Variants in SPINT2 observed in about 807,000 individuals in gnomAD.
SPINT2 encodes the protein serine peptidase inhibitor, Kunitz type 2.
SPINT2 carries 18 observed loss-of-function variants against 30.1 expected under a neutral mutation model. The observed-to-expected ratio is 0.60, with a 90% confidence interval of 0.41 to 0.89. SPINT2 has a LOEUF of 0.89. SPINT2 is among the 40% of genes least tolerant of loss of function. SPINT2 has a pLI of 0.00. For missense variants in SPINT2, 276 were observed against 334.3 expected (o/e 0.83, Z 1.36); for synonymous variants, 139 against 137.9 (o/e 1.01, Z -0.05).
intron 2 of SPINT2, among the ~76,000 whole-genome samples, chr19:38,286,105 G>A (rs538421524): frequency 2.0e-5 from 3 of 152,264 alleles, no homozygotes; most frequent in Middle Eastern, 6.8e-3. Flanking sequence ...CTCTCGAGGC[G>A]CTCCCATGTG....
At position 38,290,545 on chromosome 19, in the gene SPINT2, G is replaced by A; in HGVS notation, c.562G>A (p.Glu188Lys). Reference protein sequence around the residue: ...ACMLRCFRQQENPPLPLGSKV... With the variant: ...ACMLRCFRQQKNPPLPLGSKV... ...TGTGTGTTCTCTTCCAGGCCAGCAG[G>A]AGAATCCTCCCCTGCCCCTTGGCTC... The change falls in exon 6 of 7, where the codon GAG (glutamate) becomes AAG (lysine). Residue 188 changes from glutamate (E) to lysine (K), a missense_variant. Transcript: ENST00000301244. This position sits in a 1 kb window ranked among gnomAD's most constrained non-coding sequence, Gnocchi z 4.3. 1 of 1,614,092 alleles carries A rather than the reference G, an allele frequency of 6.2e-7. No homozygotes were observed. The highest frequency in any genetic ancestry group is 2.2e-5 in the East Asian group (1 of 44,882).
chr19:38,264,762 G>A lies in SPINT2; in HGVS notation c.-131G>A. On this transcript the variant is annotated 5_prime_UTR_variant, in exon 1 of 7. Coordinates refer to ENST00000301244, the MANE Select transcript of SPINT2 (RefSeq NM_021102.4). ...ACTTCCGGGGGCTTTGGCACCTGGCGGACCCTCCCGGAGCGTCGGCACCTG... is the reference window on the plus strand; with the variant it reads ...ACTTCCGGGGGCTTTGGCACCTGGCAGACCCTCCCGGAGCGTCGGCACCTG... 1.0e-6 allele frequency: 1 copy of A among 963,302 alleles called. No homozygotes were observed. Among genetic ancestry groups the A allele is most frequent in the South Asian group, 1.6e-5 (1 of 64,484 alleles). The allele number at this position is 963,302 out of a possible 1,614,324, so 59.7% of individuals were successfully genotyped here.
chr19:38,287,855 T>C lies in SPINT2; in HGVS notation c.278-21T>C. The C allele has an allele frequency of 2.5e-6, 4 of 1,614,156 alleles. No homozygotes were observed. In the South Asian group the frequency reaches 4.4e-5, roughly 18 times the overall value. On this transcript the variant is annotated intron_variant, in intron 2 of 6. Coordinates refer to ENST00000301244, the MANE Select transcript of SPINT2 (RefSeq NM_021102.4). The stretch of plus-strand genomic sequence containing the variant: ...TCTCTCGAAAGCTCTTTCACTGTGC[T>C]GTTTCTTTGTCCCCTTGCAGAGAAT...
chr19:38,278,459 C>T (rs1338567719), intron 1 of SPINT2, among the ~76,000 whole-genome samples: 1 of 152,170 alleles, frequency 6.6e-6, no homozygotes, highest in Non-Finnish European at 1.5e-5. Flanking sequence ...ACGTGATTCA[C>T]AGTTTTATTG....
At chr19:38,271,482 A>ACT (rs1185061134) in intron 1 of SPINT2, among the ~76,000 whole-genome samples, 2 of 147,062 alleles carry the variant, frequency 1.4e-5, no homozygotes, top group African/African-American at 2.5e-5. Flanking sequence ...ACAGAGCAAG[A>ACT]CTCTCTCAAA....
At chr19:38,275,166 C>T (rs987759536) in intron 1 of SPINT2, among the ~76,000 whole-genome samples, 9 of 152,222 alleles carry the variant, frequency 5.9e-5, no homozygotes, top group East Asian at 1.9e-4. Flanking sequence ...ACCACAAGCA[C>T]GGTTCAAACT....
rs397859727 is a variant in SPINT2, at chr19:38,269,400, CTT to C, written c.106+4424_106+4425del. ...ACTTATTTGAGAACCTCTCCTGCAC[CTT>C]TTTTTTTTTTTTTTTTTTTTTGAGA... On this transcript the variant is annotated intron_variant, in intron 1 of 6. Transcript: ENST00000301244. Among the ~76,000 whole-genome samples the C allele has an allele frequency of 3.4e-3, 224 of 64,942 alleles. 1 individual carries two copies. Among genetic ancestry groups the C allele is most frequent in the East Asian group, 6.9e-3 (17 of 2,452 alleles). 42.6% of individuals were successfully genotyped at this position (64,942 alleles called of 152,430 possible). A position where few individuals can be genotyped will look rare whatever the true frequency, so the allele number is the denominator to read the frequency against.
chr19:38,280,494 C>T (rs1053399917), intron 1 of SPINT2, among the ~76,000 whole-genome samples: 6 of 152,086 alleles, frequency 3.9e-5, no homozygotes, highest in South Asian at 2.1e-4. Flanking sequence ...TCATCCCGTG[C>T]GCTGTTAGCT....
At position 38,288,537 on chromosome 19, in the gene SPINT2, G is replaced by A. The variant is rs573200399; in HGVS notation, c.338-601G>A. The A allele has an allele frequency of 2.5e-5, 5 of 200,736 alleles. No individual in the cohort carries two copies. In the Admixed American group the frequency reaches 2.6e-4, roughly 11 times the overall value. 12.4% of individuals were successfully genotyped at this position (200,736 alleles called of 1,614,324 possible). ...ACTACCAGGTAGCAAATGCACCCTC[G>A]GGGCAGACCTCAGGCCATGGACTCT... On this transcript the variant is annotated intron_variant, in intron 3 of 6. Coordinates refer to ENST00000301244, the MANE Select transcript of SPINT2 (RefSeq NM_021102.4).
chr19:38,265,174 C>A (rs1488509830), intron 1 of SPINT2, among the ~76,000 whole-genome samples, 176 bp downstream of exon 1: 1 of 152,140 alleles, frequency 6.6e-6, no homozygotes, highest in Non-Finnish European at 1.5e-5. Context: ...GGTTTGGGAG[C>A]CTTCGACAGC....
At chr19:38,288,958 G>A in intron 3 of SPINT2, 180 bp from the exon 4 acceptor site, 2 of 628,620 alleles carry the variant, frequency 3.2e-6, no homozygotes, top group Admixed American at 2.5e-5. Flanking sequence ...AGCACTCTCA[G>A]TGTGTGCGTA....
At chr19:38,280,020 G>A (rs1968562741) in intron 1 of SPINT2, among the ~76,000 whole-genome samples, 1 of 152,106 alleles carries the variant, frequency 6.6e-6, no homozygotes, top group Non-Finnish European at 1.5e-5. Flanking sequence ...CTACTTTACC[G>A]AAGGAACCTG....
At chr19:38,269,335 ATTC>A (rs1008672285) in intron 1 of SPINT2, among the ~76,000 whole-genome samples, 5 of 139,486 alleles carry the variant, frequency 3.6e-5, no homozygotes, top group African/African-American at 1.3e-4. Flanking sequence ...TCCTTTGTTG[ATTC>A]TTCTTGGGAA....
At chr19:38,274,002 G>T (rs867914654) in intron 1 of SPINT2, among the ~76,000 whole-genome samples, 5 of 151,768 alleles carry the variant, frequency 3.3e-5, no homozygotes, top group African/African-American at 7.3e-5. Flanking sequence ...AGGCCGAGGC[G>T]GGTGGATCAT....
At chr19:38,273,361 A>C (rs974235683) in intron 1 of SPINT2, among the ~76,000 whole-genome samples, 1 of 152,148 alleles carries the variant, frequency 6.6e-6, no homozygotes, top group Admixed American at 6.6e-5. Flanking sequence ...CACCTTTGGA[A>C]TCTGGCTTGG....
chr19:38,282,074 G>A (rs1968586983), intron 1 of SPINT2, among the ~76,000 whole-genome samples: 1 of 152,196 alleles, frequency 6.6e-6, no homozygotes, highest in Admixed American at 6.5e-5. Flanking sequence ...GATCTATTGT[G>A]TGGGTGGGAT....
intron 1 of SPINT2, among the ~76,000 whole-genome samples, chr19:38,279,281 C>G (rs1033333228): frequency 6.6e-6 from 1 of 151,750 alleles, no homozygotes; most frequent in Non-Finnish European, 1.5e-5. Flanking sequence ...GGTGGATCAC[C>G]TGAGGTCAGG....
rs145154581 is a variant in SPINT2, at chr19:38,290,308, A to C, written c.553+28A>C. 25 of 1,609,082 alleles carry C rather than the reference A, an allele frequency of 1.6e-5. No individual in the cohort carries two copies. The East Asian group carries it at 5.4e-4, about 34-fold the overall frequency. On this transcript the variant is annotated intron_variant, in intron 5 of 6. Transcript: ENST00000301244. The surrounding 1 kb of genome is among the most constrained non-coding windows in gnomAD (Gnocchi z 4.3). Reference sequence around the variant, plus strand: ...AAGTCTGCAGCCCCTCAGCCCAGGAAGCCCTGCCCTTGAGGACCCCGGTCC... The same window carrying C: ...AAGTCTGCAGCCCCTCAGCCCAGGACGCCCTGCCCTTGAGGACCCCGGTCC...
chr19:38,266,582 A>G (rs1968381779), intron 1 of SPINT2, among the ~76,000 whole-genome samples: 1 of 152,094 alleles, frequency 6.6e-6, no homozygotes, highest in South Asian at 2.1e-4. Context: ...AGGCTGAGGC[A>G]GGAGAATCGC....
Sources: allele counts gnomAD v4.1 joint callset (sites outside exome capture counted in the v4.1 genomes callset), GRCh38; gene constraint gnomAD v4.1.1; non-coding constraint Gnocchi (gnomAD v3.1); transcripts MANE v1.5; gene names NCBI Gene and HGNC (gene_info 2026-07-23, HGNC 2026-07-21).